ZNF83: variants seen among roughly 807,000 people sequenced by gnomAD.
The protein encoded by ZNF83 is zinc finger protein 816B.
For synonymous variants in ZNF83, 209 were observed against 213.0 expected, an observed-to-expected ratio of 0.98 and a Z score of 0.17; for missense variants, 552 against 629.9, an observed-to-expected ratio of 0.88 and a Z score of 1.32.
upstream of ZNF83, among the ~76,000 whole-genome samples, chr19:52,639,779 A>G (rs912958776): frequency 2.6e-5 from 4 of 152,104 alleles, no homozygotes; most frequent in African/African-American, 7.2e-5. Context: ...AACAAAAAAA[A>G]TCTTCCCCCC....
exon 3 of ZNF83, chr19:52,614,488 G>A (rs1359338803): frequency 1.9e-6 from 3 of 1,609,918 alleles, no homozygotes; most frequent in Non-Finnish European, 2.5e-6. Flanking sequence ...CTGCAGTTCT[G>A]GTAGATGTGA....
chr19:52,686,526 C>A (rs922252959), intron 1 of ZNF83, among the ~76,000 whole-genome samples: 2 of 150,346 alleles, frequency 1.3e-5, no homozygotes, highest in East Asian at 3.9e-4. Context: ...AAATCTATTA[C>A]ACAACAAGAA....
At chr19:52,630,024 C>T (rs2060894360) in intron 2 of ZNF83, among the ~76,000 whole-genome samples, 1 of 152,154 alleles carries the variant, frequency 6.6e-6, no homozygotes. Flanking sequence ...TCCTCCAGAA[C>T]CTCCTCCCCC....
chr19:52,688,241 G>A (rs1205447478), intron 1 of ZNF83, among the ~76,000 whole-genome samples: 1 of 151,874 alleles, frequency 6.6e-6, no homozygotes, highest in African/African-American at 2.4e-5. Flanking sequence ...CATGATCTTG[G>A]CTCACTGCAG....
intron 1 of ZNF83, among the ~76,000 whole-genome samples, chr19:52,683,835 C>T (rs1472870206): frequency 6.6e-6 from 1 of 152,178 alleles, no homozygotes; most frequent in African/African-American, 2.4e-5. Context: ...ACCTCAGCAT[C>T]TAAACTGCAA....
chr19:52,624,630 A>G (rs2060667976), intron 2 of ZNF83, among the ~76,000 whole-genome samples: 1 of 152,202 alleles, frequency 6.6e-6, no homozygotes, highest in East Asian at 1.9e-4. Context: ...CCTTTTCACT[A>G]CACACAGCCG....
In ZNF83 at chr19:52,627,196, C is replaced by G. The variant is rs181703262; in HGVS notation, c.-234+7870G>C. On this transcript the variant is annotated intron_variant, in intron 2 of 2. Transcript: ENST00000301096. The stretch of plus-strand genomic sequence containing the variant: ...CCCCAGGCCTATAAAACTGCCCCAC[C>G]CCATCTCCTTTTGCTGACTTCTTTT... 4.7e-3 allele frequency among the ~76,000 whole-genome samples: 669 copies of G among 141,436 alleles called. 6 individuals carry two copies. The highest frequency in any genetic ancestry group is 0.017 in the African/African-American group (652 of 38,582). 92.8% of individuals were successfully genotyped at this position (141,436 alleles called of 152,430 possible).
exon 3 of ZNF83, chr19:52,613,521 A>G (rs899315923): frequency 8.7e-6 from 14 of 1,614,066 alleles, no homozygotes; most frequent in South Asian, 1.1e-5. Context: ...TGCCACATTC[A>G]TTACATTTGT....
chr19:52,650,261 C>CT (rs1015695493), intron 3 of ZNF83, among the ~76,000 whole-genome samples: 4,132 of 39,586 alleles, frequency 0.1, 85 homozygotes, highest in African/African-American at 0.23. Flanking sequence ...ACTTTTCTTT[C>CT]TTTTTTTTTT....
intron 1 of ZNF83, among the ~76,000 whole-genome samples, chr19:52,683,528 A>ACCCTCCCTCTG (rs1216197668): frequency 4.8e-5 from 4 of 82,678 alleles, no homozygotes; most frequent in Non-Finnish European, 9.3e-5. Context: ...ATCCAAAGGG[A>ACCCTCCCTCTG]AGGGCAAAGT....
chr19:52,683,226 CTCTGTGTGTGTGTGTGTGTGTGTG>C (rs1357232693), intron 1 of ZNF83, among the ~76,000 whole-genome samples: 11 of 135,768 alleles, frequency 8.1e-5, no homozygotes, highest in South Asian at 5.0e-4. Context: ...TGCCCTGTGA[CTCTGTGTGTGTGTGTGTGTGTGTG>C]TGTGTGTGTG....
chr19:52,620,681 G>A (rs2060509998), intron 2 of ZNF83, among the ~76,000 whole-genome samples: 1 of 152,208 alleles, frequency 6.6e-6, no homozygotes, highest in Admixed American at 6.5e-5. Flanking sequence ...ACAGACACTA[G>A]GCGTCAGGCC....
intron 1 of ZNF83, among the ~76,000 whole-genome samples, chr19:52,665,078 C>G (rs2061631612): frequency 6.6e-6 from 1 of 152,184 alleles, no homozygotes; most frequent in African/African-American, 2.4e-5. Context: ...GCCAAATGTA[C>G]AATTTTATGC....
intron 1 of ZNF83, among the ~76,000 whole-genome samples, chr19:52,688,021 A>G (rs2062077010): frequency 6.6e-6 from 1 of 152,090 alleles, no homozygotes; most frequent in African/African-American, 2.4e-5. Context: ...CAGAATGTAC[A>G]TGTCTCATAG....
intron 3 of ZNF83, among the ~76,000 whole-genome samples, chr19:52,647,435 C>A (rs1394882600): frequency 6.6e-6 from 1 of 152,142 alleles, no homozygotes; most frequent in African/African-American, 2.4e-5. Context: ...TGTGCACCAT[C>A]ATGCCCTGTT....
rs377114055 is a variant in ZNF83, at chr19:52,621,107, G to A, written c.-233-6310C>T. Among the ~76,000 whole-genome samples, 46 of 152,260 alleles carry A rather than the reference G, an allele frequency of 3.0e-4. 1 individual carries two copies. The highest frequency in any genetic ancestry group is 9.9e-4 in the African/African-American group (41 of 41,562). ...TGGTGGTCTCTTCACAGGGACATAC[G>A]TGACATTTGGTGAGATGTGGGACAG... On this transcript the variant is annotated intron_variant, in intron 2 of 2. Coordinates refer to ENST00000301096, the Ensembl canonical transcript of ZNF83.
chr19:52,675,481 T>C (rs1271737845), intron 1 of ZNF83, among the ~76,000 whole-genome samples: 1 of 152,108 alleles, frequency 6.6e-6, no homozygotes. Context: ...CCATCCCTCA[T>C]GGATCATGTG....
At chr19:52,667,437 G>A (rs989293376) in intron 1 of ZNF83, among the ~76,000 whole-genome samples, 13 of 152,164 alleles carry the variant, frequency 8.5e-5, no homozygotes, top group Admixed American at 7.2e-4. Flanking sequence ...CATATAATTT[G>A]AAAGTAATTA....
At chr19:52,642,258 T>G, upstream of ZNF83, among the ~76,000 whole-genome samples, 1 of 139,684 alleles carries the variant, frequency 7.2e-6, no homozygotes. Flanking sequence ...GGGAGTATTG[T>G]AGCTTTTTTT....
Sources: allele counts gnomAD v4.1 joint callset (sites outside exome capture counted in the v4.1 genomes callset), GRCh38; gene constraint gnomAD v4.1.1; transcripts MANE v1.5; gene names NCBI Gene and HGNC (gene_info 2026-07-23, HGNC 2026-07-21).